DACH1: variants seen among roughly 807,000 people sequenced by gnomAD.
The protein encoded by DACH1 is dachshund family transcription factor 1.
Under a neutral mutation model 54.2 loss-of-function variants are expected in DACH1, and 12 were observed. The observed-to-expected ratio is 0.22, with a 90% CI of 0.14 to 0.36. The LOEUF (loss-of-function observed/expected upper bound fraction) is 0.36. DACH1 is among the 10% of genes least tolerant of loss of function. DACH1 has a pLI of 1.00. For synonymous variants in DACH1, 386 were observed against 366.2 expected, an observed-to-expected ratio of 1.05 and a Z score of -0.62; for missense variants, 805 against 929.8, an observed-to-expected ratio of 0.87 and a Z score of 1.75.
intron 3 of DACH1, among the ~76,000 whole-genome samples, chr13:71,575,763 T>A (rs9599860): frequency 6.6e-6 from 1 of 152,076 alleles, no homozygotes; most frequent in African/African-American, 2.4e-5. Context: ...CTACATAGAA[T>A]GCTTCTAGCC....
intron 1 of DACH1, among the ~76,000 whole-genome samples, chr13:71,848,479 TGTAAGCTCTTCTGGTAA>T (rs1444644436): frequency 6.6e-6 from 1 of 152,132 alleles, no homozygotes; most frequent in Non-Finnish European, 1.5e-5. Context: ...CTTCGTGCTT[TGTAAGCTCTTCTGGTAA>T]GAGAGTTTTA....
At chr13:71,579,671 TAAC>T (rs1156556021) in intron 3 of DACH1, among the ~76,000 whole-genome samples, 2 of 152,118 alleles carry the variant, frequency 1.3e-5, no homozygotes, top group African/African-American at 2.4e-5. Context: ...TATATATAAA[TAAC>T]AATGCTTCAT....
At chr13:71,775,249 G>A (rs1209825629) in intron 1 of DACH1, among the ~76,000 whole-genome samples, 1 of 144,530 alleles carries the variant, frequency 6.9e-6, no homozygotes, top group East Asian at 2.1e-4. Context: ...GCTATAGTGA[G>A]CCATAAATGC....
chr13:71,644,766 G>A, intron 2 of DACH1, among the ~76,000 whole-genome samples: 1 of 152,106 alleles, frequency 6.6e-6, no homozygotes, highest in Non-Finnish European at 1.5e-5. Flanking sequence ...CTTTGAATCT[G>A]AACATGATGG....
intron 1 of DACH1, among the ~76,000 whole-genome samples, chr13:71,819,498 C>A (rs1439651771): frequency 6.6e-6 from 1 of 152,200 alleles, no homozygotes; most frequent in Non-Finnish European, 1.5e-5. Flanking sequence ...CTGGGATTGA[C>A]AGTCTGTAGC....
chr13:71,644,569 G>C (rs1456313694), intron 2 of DACH1, among the ~76,000 whole-genome samples: 1 of 152,134 alleles, frequency 6.6e-6, no homozygotes, highest in Admixed American at 6.5e-5. Flanking sequence ...TCATACCTCA[G>C]ATCTTCCGCA....
chr13:71,730,228 A>T (rs930998288), intron 1 of DACH1, among the ~76,000 whole-genome samples: 1 of 152,174 alleles, frequency 6.6e-6, no homozygotes, highest in African/African-American at 2.4e-5. Context: ...AGAAAAATAA[A>T]GAAAAATAAA....
intron 8 of DACH1, among the ~76,000 whole-genome samples, chr13:71,477,517 A>G (rs552872883): frequency 2.2e-3 from 340 of 152,198 alleles, no homozygotes; most frequent in Non-Finnish European, 3.7e-3. Flanking sequence ...CAAAATGTAC[A>G]CTGGCTATGG....
chr13:71,543,400 A>G (rs576850473), intron 6 of DACH1, among the ~76,000 whole-genome samples: 1 of 152,192 alleles, frequency 6.6e-6, no homozygotes, highest in South Asian at 2.1e-4. Context: ...TAGATGATTA[A>G]AACAAATAAT....
At chr13:71,603,623 A>G (rs990670599) in intron 3 of DACH1, among the ~76,000 whole-genome samples, 4 of 152,026 alleles carry the variant, frequency 2.6e-5, no homozygotes, top group Non-Finnish European at 5.9e-5. Flanking sequence ...TCTGTGTCAC[A>G]TGAAACGATA....
intron 1 of DACH1, among the ~76,000 whole-genome samples, chr13:71,828,444 C>T (rs560584113): frequency 2.0e-5 from 3 of 152,012 alleles, no homozygotes; most frequent in East Asian, 3.9e-4. Flanking sequence ...TACACCCGTG[C>T]CATCGACATC....
At chr13:71,808,693 T>A (rs1369519527) in intron 1 of DACH1, among the ~76,000 whole-genome samples, 1 of 152,170 alleles carries the variant, frequency 6.6e-6, no homozygotes, top group Non-Finnish European at 1.5e-5. Flanking sequence ...TAGAGAAGTT[T>A]AGTCAATACA....
chr13:71,486,320 A>G (rs1878499596), intron 7 of DACH1, among the ~76,000 whole-genome samples: 1 of 152,160 alleles, frequency 6.6e-6, no homozygotes, highest in Non-Finnish European at 1.5e-5. Flanking sequence ...TTGGCATAGA[A>G]AGCACAGAAC....
chr13:71,865,517 C>T (rs1425451326), intron 1 of DACH1, among the ~76,000 whole-genome samples: 1 of 152,094 alleles, frequency 6.6e-6, no homozygotes, highest in African/African-American at 2.4e-5. Context: ...GAACCCAGGT[C>T]CTGGGGAGCG....
At chr13:71,552,834 TATATATATAGAGAG>T (rs1480480006) in intron 6 of DACH1, among the ~76,000 whole-genome samples, 24 of 33,168 alleles carry the variant, frequency 7.2e-4, no homozygotes, top group East Asian at 1.5e-3. Context: ...TATATATATA[TATATATATAGAGAG>T]AGAGAGAGAG....
At chr13:71,837,308 G>A (rs1479369910) in intron 1 of DACH1, among the ~76,000 whole-genome samples, 6 of 151,954 alleles carry the variant, frequency 3.9e-5, no homozygotes, top group African/African-American at 1.5e-4. Flanking sequence ...ATGACTGTTG[G>A]ATTCACCAAC....
At chr13:71,512,953 A>G (rs1313533962) in intron 6 of DACH1, among the ~76,000 whole-genome samples, 1 of 151,964 alleles carries the variant, frequency 6.6e-6, no homozygotes, top group African/African-American at 2.4e-5. Flanking sequence ...TAGATGCTTT[A>G]GAGACTAAAA....
In DACH1 at chr13:71,779,203, A is replaced by ATG. The variant is rs766114147; in HGVS notation, c.848+86717_848+86718dup. Among the ~76,000 whole-genome samples, 11 of 108,298 alleles carry ATG rather than the reference A, an allele frequency of 1.0e-4. No individual in the cohort carries two copies. In the South Asian group the frequency reaches 1.8e-3, roughly 18 times the overall value. The allele number at this position is 108,298 out of a possible 152,430, so 71.0% of individuals were successfully genotyped here. ...CACATATATACGTATATACGTATAT[A>ATG]TGTGTATATATATACGTATATACGT... On this transcript the variant is annotated intron_variant, in intron 1 of 10. Transcript: ENST00000613252.
At chr13:71,634,169 C>T (rs1383332721) in intron 2 of DACH1, among the ~76,000 whole-genome samples, 1 of 151,972 alleles carries the variant, frequency 6.6e-6, no homozygotes, top group Non-Finnish European at 1.5e-5. Flanking sequence ...GACGGGGTTT[C>T]ACCATGTTGG....
Sources: allele counts gnomAD v4.1 joint callset (sites outside exome capture counted in the v4.1 genomes callset), GRCh38; gene constraint gnomAD v4.1.1; transcripts MANE v1.5; gene names NCBI Gene and HGNC (gene_info 2026-07-23, HGNC 2026-07-21).